Variants in FER observed in about 807,000 individuals in gnomAD.
The protein encoded by FER is FER tyrosine kinase.
A neutral mutation model predicts 111.0 loss-of-function variants in FER; 63 were observed. That is an observed-to-expected ratio of 0.57 (90% CI 0.46 to 0.70). The LOEUF is 0.70. FER is among the 30% of genes least tolerant of loss of function. FER has a pLI of 0.00. For missense variants in FER, 914 were observed against 954.0 expected (o/e 0.96, Z 0.55); for synonymous variants, 327 against 313.9 (o/e 1.04, Z -0.44).
At chr5:109,106,849 A>G (rs1418731436) in intron 17 of FER, among the ~76,000 whole-genome samples, 1 of 152,196 alleles carries the variant, frequency 6.6e-6, no homozygotes, top group Non-Finnish European at 1.5e-5. Context: ...GCCAATTAAC[A>G]TCTTGGCTTG....
intron 16 of FER, among the ~76,000 whole-genome samples, chr5:109,089,004 G>A (rs916199283): frequency 6.6e-5 from 10 of 152,152 alleles, no homozygotes; most frequent in African/African-American, 1.9e-4. Flanking sequence ...CTAGATTTCT[G>A]AGGAGTGATT....
intron 8 of FER, among the ~76,000 whole-genome samples, chr5:108,880,673 C>T (rs1171230755): frequency 6.6e-6 from 1 of 151,932 alleles, no homozygotes; most frequent in African/African-American, 2.4e-5. Flanking sequence ...AAGCTTGTAT[C>T]TCCATGATAT....
chr5:109,142,788 G>C (rs1470364736), intron 17 of FER, among the ~76,000 whole-genome samples: 1 of 152,120 alleles, frequency 6.6e-6, no homozygotes, highest in Admixed American at 6.6e-5. Flanking sequence ...TCAGTGACAA[G>C]TCAGTATATA....
At chr5:108,759,782 C>T (rs1751517317) in intron 1 of FER, among the ~76,000 whole-genome samples, 1 of 152,210 alleles carries the variant, frequency 6.6e-6, no homozygotes, top group Non-Finnish European at 1.5e-5. Flanking sequence ...GAGGACTCCA[C>T]CATCATGGTT....
chr5:109,033,127 A>T (rs975735174), intron 13 of FER, among the ~76,000 whole-genome samples: 13 of 152,174 alleles, frequency 8.5e-5, no homozygotes, highest in African/African-American at 3.1e-4. Context: ...ATACTTAATT[A>T]CAACTTTTAT....
chr5:108,843,545 T>C (rs79888367), intron 5 of FER, among the ~76,000 whole-genome samples: 60 of 151,162 alleles, frequency 4.0e-4, no homozygotes, highest in African/African-American at 8.0e-4. Context: ...TTTTTTTTTT[T>C]CCCAAGATGG....
intron 13 of FER, among the ~76,000 whole-genome samples, chr5:109,014,264 G>A (rs1393440839): frequency 6.6e-6 from 1 of 152,104 alleles, no homozygotes; most frequent in South Asian, 2.1e-4. Context: ...TTTGTATGAG[G>A]TGTCAGGAAG....
chr5:109,009,044 C>CTTTTTTTT lies in FER; in HGVS notation c.1657-28364_1657-28357dup, dbSNP rs1030906789. ...CACTAGTCTAGTCTTCCTCTTCAGT[C>CTTTTTTTT]TTTTTTTTTTTTTTTTTTTTTGAAA... On this transcript the variant is annotated intron_variant, in intron 13 of 19. Coordinates refer to ENST00000281092, the MANE Select transcript of FER (RefSeq NM_005246.4). 7.1e-4 allele frequency among the ~76,000 whole-genome samples: 82 copies of CTTTTTTTT among 115,996 alleles called. 2 individuals carry two copies. The highest frequency in any genetic ancestry group is 2.5e-3 in the African/African-American group (74 of 30,100). The allele number at this position is 115,996 out of a possible 152,430, so 76.1% of individuals were successfully genotyped here.
chr5:108,801,302 G>T (rs1272370692), intron 3 of FER, among the ~76,000 whole-genome samples: 1 of 152,140 alleles, frequency 6.6e-6, no homozygotes, highest in Non-Finnish European at 1.5e-5. Context: ...TTTAAAATCA[G>T]TTAACCATAA....
intron 16 of FER, among the ~76,000 whole-genome samples, chr5:109,074,295 C>T (rs1010425801): frequency 2.6e-5 from 4 of 152,178 alleles, no homozygotes; most frequent in Non-Finnish European, 2.9e-5. Flanking sequence ...TGTCAGGATT[C>T]ACATCTAGCC....
At chr5:109,059,923 C>G (rs917430764) in intron 16 of FER, among the ~76,000 whole-genome samples, 1 of 152,012 alleles carries the variant, frequency 6.6e-6, no homozygotes, top group African/African-American at 2.4e-5. Flanking sequence ...AAAGTAGAAC[C>G]CAAATGTCCA....
At chr5:108,938,266 A>G (rs908775815) in intron 10 of FER, among the ~76,000 whole-genome samples, 2 of 151,926 alleles carry the variant, frequency 1.3e-5, no homozygotes, top group African/African-American at 4.8e-5. Flanking sequence ...AGGAGATTAT[A>G]ATAGGTAGAG....
At chr5:109,175,935 T>C (rs548035840) in intron 17 of FER, among the ~76,000 whole-genome samples, 335 of 152,206 alleles carry the variant, frequency 2.2e-3, no homozygotes, top group African/African-American at 7.7e-3. Flanking sequence ...GCCGAGATCG[T>C]GCCACTGCAC....
intron 1 of FER, among the ~76,000 whole-genome samples, chr5:108,751,582 C>T (rs186108370): frequency 5.5e-4 from 84 of 152,266 alleles, no homozygotes; most frequent in Non-Finnish European, 1.0e-3. Flanking sequence ...AAGGGACTAT[C>T]AATTATGTAA....
chr5:108,946,256 T>G, intron 11 of FER, 34 bp downstream of exon 11: 1 of 1,480,644 alleles, frequency 6.8e-7, no homozygotes. Context: ...CTACTGAAAA[T>G]GGTCATTGTC....
At chr5:109,050,401 C>G (rs1772623546) in intron 16 of FER, among the ~76,000 whole-genome samples, 1 of 152,152 alleles carries the variant, frequency 6.6e-6, no homozygotes, top group Non-Finnish European at 1.5e-5. Context: ...GCATTATTTT[C>G]AAATCTGTGT....
intron 5 of FER, among the ~76,000 whole-genome samples, chr5:108,838,319 G>A (rs1760883449): frequency 6.6e-6 from 1 of 152,058 alleles, no homozygotes; most frequent in African/African-American, 2.4e-5. Context: ...GCTTACAATA[G>A]CTACTCAGAT....
At chr5:108,896,068 T>G (rs1002972817) in intron 9 of FER, among the ~76,000 whole-genome samples, 3 of 152,196 alleles carry the variant, frequency 2.0e-5, no homozygotes, top group Non-Finnish European at 4.4e-5. Flanking sequence ...TTCACCTTTT[T>G]GTGACTGATA....
intron 13 of FER, among the ~76,000 whole-genome samples, chr5:108,980,523 A>G (rs919368512): frequency 2.6e-5 from 4 of 152,104 alleles, no homozygotes; most frequent in East Asian, 1.9e-4. Context: ...AGCACTTACT[A>G]TTTCTTCAAT....
Sources: gnomAD v4.1 joint callset for allele counts (sites outside exome capture counted in the v4.1 genomes callset) on GRCh38, gnomAD v4.1.1 for gene constraint, MANE v1.5 for transcripts, NCBI Gene and HGNC (gene_info 2026-07-23, HGNC 2026-07-21) for gene names.